GPC6: variants seen among roughly 807,000 people sequenced by gnomAD.
GPC6 encodes the protein glypican-6.
Under a neutral mutation model 55.2 loss-of-function variants are expected in GPC6, and 14 were observed. The ratio of observed to expected loss-of-function variants is 0.25; its 90% CI spans 0.17 to 0.40. The LOEUF (loss-of-function observed/expected upper bound fraction) is 0.40. Ranked by LOEUF, GPC6 falls within the 10% of genes least tolerant of loss-of-function variation. The pLI, the probability that GPC6 is intolerant of heterozygous loss-of-function variation, is 1.00. For synonymous variants in GPC6, 278 were observed against 259.6 expected (o/e 1.07, Z -0.68); for missense variants, 641 against 708.5 (o/e 0.90, Z 1.08).
chr13:93,990,017 C>A (rs1881226576), intron 3 of GPC6, among the ~76,000 whole-genome samples: 1 of 150,274 alleles, frequency 6.7e-6, no homozygotes, highest in Non-Finnish European at 1.5e-5. Flanking sequence ...TAAAGCACAC[C>A]TTTGAAAGGC....
At chr13:93,434,658 T>A (rs1877498451) in intron 1 of GPC6, among the ~76,000 whole-genome samples, 1 of 152,198 alleles carries the variant, frequency 6.6e-6, no homozygotes, top group Admixed American at 6.5e-5. Flanking sequence ...GTCCTGAGTC[T>A]GTGCAGATTG....
At chr13:93,609,916 C>T (rs1044758759) in intron 2 of GPC6, among the ~76,000 whole-genome samples, 2 of 152,132 alleles carry the variant, frequency 1.3e-5, no homozygotes, top group African/African-American at 4.8e-5. Context: ...CTTTTGGAGT[C>T]TGGTTTTCCT....
intron 2 of GPC6, among the ~76,000 whole-genome samples, chr13:93,798,647 G>A (rs187115025): frequency 1.3e-5 from 2 of 152,180 alleles, no homozygotes; most frequent in Non-Finnish European, 2.9e-5. Context: ...GGCTGGGCGC[G>A]TTAGCTCACA....
intron 1 of GPC6, among the ~76,000 whole-genome samples, chr13:93,274,689 C>T (rs2139058170): frequency 6.6e-6 from 1 of 152,174 alleles, no homozygotes; most frequent in African/African-American, 2.4e-5. Context: ...AGGATTTTCT[C>T]CCTTAGAAGT....
intron 1 of GPC6, among the ~76,000 whole-genome samples, chr13:93,329,527 T>C (rs1372251664): frequency 1.3e-5 from 2 of 152,216 alleles, no homozygotes; most frequent in Admixed American, 6.5e-5. Flanking sequence ...TGATAGCTAA[T>C]AGGGATTTAT....
chr13:93,295,607 A>G (rs918296744), intron 1 of GPC6, among the ~76,000 whole-genome samples: 1 of 151,672 alleles, frequency 6.6e-6, no homozygotes, highest in Non-Finnish European at 1.5e-5. Context: ...CAGCCTCCCA[A>G]GTAGCTGGGA....
At position 93,830,205 on chromosome 13, in the gene GPC6, T is replaced by G; in HGVS notation, c.371T>G (p.Phe124Cys). The stretch of plus-strand genomic sequence containing the variant: ...GCAGAAAAGTCACTAAATGATATGT[T>G]TGTACGGACCTATGGCATGCTGTAC... The part of the protein sequence containing the change: ...ENAEKSLNDM[F>C]VRTYGMLYMQ... The change falls in exon 3 of 9, where the codon TTT (phenylalanine) becomes TGT (cysteine). Residue 124 changes from phenylalanine (F) to cysteine (C), a missense_variant. Physicochemically the swap from Phe to Cys is radical, Grantham distance 205. Transcript: ENST00000377047. The G allele has an allele frequency of 6.2e-7, 1 of 1,608,736 alleles. No individual in the cohort carries two copies. Among genetic ancestry groups the G allele is most frequent in the South Asian group, 1.1e-5 (1 of 90,542 alleles).
intron 6 of GPC6, among the ~76,000 whole-genome samples, chr13:94,309,638 C>A (rs1876133435): frequency 1.3e-5 from 2 of 151,530 alleles, no homozygotes; most frequent in Admixed American, 1.3e-4. Flanking sequence ...GACATACTAC[C>A]CTAAAGTGGT....
chr13:93,727,314 C>G (rs181712795), intron 2 of GPC6, among the ~76,000 whole-genome samples: 57 of 152,254 alleles, frequency 3.7e-4, no homozygotes, highest in African/African-American at 1.3e-3. Context: ...CCACTGGCTA[C>G]AGAATATTGC....
chr13:94,286,500 T>C (rs1215716205), intron 5 of GPC6, 21 bp downstream of exon 5: 2 of 1,606,340 alleles, frequency 1.2e-6, no homozygotes, highest in Admixed American at 3.3e-5. Context: ...TAGTAATGTA[T>C]CTGCCAATAC....
chr13:93,388,053 C>G (rs1875473276), intron 1 of GPC6, among the ~76,000 whole-genome samples: 1 of 152,128 alleles, frequency 6.6e-6, no homozygotes, highest in Non-Finnish European at 1.5e-5. Flanking sequence ...CTCTGCAATC[C>G]TGTATCACAA....
At position 93,914,781 on chromosome 13, in the gene GPC6, G is replaced by C. The variant is rs148711757; in HGVS notation, c.711+84236G>C. Among the ~76,000 whole-genome samples the C allele has an allele frequency of 2.9e-3, 434 of 152,212 alleles. 2 individuals carry two copies. Among genetic ancestry groups the C allele is most frequent in the African/African-American group, 9.7e-3 (405 of 41,544 alleles). ...CCAATGCTGGGAAAGTCAGATAAGA[G>C]AAAAAAATTAAGGACTGAGAGAATG... is the stretch of plus-strand genomic sequence containing the variant. On this transcript the variant is annotated intron_variant, in intron 3 of 8. Coordinates refer to ENST00000377047, the MANE Select transcript of GPC6 (RefSeq NM_005708.5).
At chr13:93,921,085 C>A (rs915387249) in intron 3 of GPC6, among the ~76,000 whole-genome samples, 1 of 152,174 alleles carries the variant, frequency 6.6e-6, no homozygotes, top group African/African-American at 2.4e-5. Context: ...GCCAGAAAAC[C>A]CTAGCTCTCC....
intron 5 of GPC6, among the ~76,000 whole-genome samples, chr13:94,294,437 T>TAAAAA (rs397944823): frequency 8.6e-6 from 1 of 116,740 alleles, no homozygotes; most frequent in Non-Finnish European, 1.8e-5. Context: ...AAATGAAGAT[T>TAAAAA]AAAAAAAAAA....
intron 1 of GPC6, among the ~76,000 whole-genome samples, chr13:93,408,031 C>G (rs1183881124): frequency 2.0e-5 from 3 of 152,046 alleles, no homozygotes; most frequent in Non-Finnish European, 4.4e-5. Flanking sequence ...TTTTCATAAG[C>G]TACAATACTA....
intron 3 of GPC6, among the ~76,000 whole-genome samples, chr13:93,922,174 T>G (rs1370691545): frequency 6.6e-6 from 1 of 152,082 alleles, no homozygotes; most frequent in Non-Finnish European, 1.5e-5. Context: ...TTGATGAATG[T>G]GAAATTTCAT....
At chr13:94,046,528 A>G (rs1391821452) in intron 4 of GPC6, among the ~76,000 whole-genome samples, 1 of 152,056 alleles carries the variant, frequency 6.6e-6, no homozygotes, top group African/African-American at 2.4e-5. Context: ...TCTAGTTCCC[A>G]AGCAACTAAT....
rs779571682 is a variant in GPC6 at position 93,584,684 on chromosome 13, G to GTTTTT, written c.319+39283_319+39287dup. ...CACGTTACCATGTTACCTTCTGAAA[G>GTTTTT]TTTTTTTTTTTTTTTTTTTTTTTTG... On this transcript the variant is annotated intron_variant, in intron 2 of 8. Transcript: ENST00000377047. Among the ~76,000 whole-genome samples, 150 of 95,558 alleles carry GTTTTT rather than the reference G, an allele frequency of 1.6e-3. 6 individuals are homozygous for GTTTTT. Among genetic ancestry groups the GTTTTT allele is most frequent in the African/African-American group, 5.1e-3 (108 of 21,280 alleles). 62.7% of individuals were successfully genotyped at this position (95,558 alleles called of 152,430 possible). A position where few individuals can be genotyped will look rare whatever the true frequency, so the allele number is the denominator to read the frequency against.
intron 1 of GPC6, among the ~76,000 whole-genome samples, chr13:93,536,400 T>A (rs1029563863): frequency 2.6e-5 from 4 of 152,162 alleles, no homozygotes; most frequent in African/African-American, 9.7e-5. Flanking sequence ...CATTTTCTCC[T>A]GCCCCCCAGC....
Sources: gnomAD v4.1 joint callset for allele counts (sites outside exome capture counted in the v4.1 genomes callset) on GRCh38, gnomAD v4.1.1 for gene constraint, MANE v1.5 for transcripts, NCBI Gene and HGNC (gene_info 2026-07-23, HGNC 2026-07-21) for gene names.